The following SCN11A variants were observed in gnomAD, a reference collection of about 807,000 sequenced individuals.
SCN11A encodes sodium channel protein type 11 subunit alpha.
In SCN11A, 122 loss-of-function variants were observed where a neutral mutation model predicts 162.2. The ratio of observed to expected loss-of-function variants is 0.75; its 90% confidence interval spans 0.65 to 0.87. SCN11A has a LOEUF of 0.87. SCN11A is among the 40% of genes least tolerant of loss of function. SCN11A has a pLI of 0.00. For missense variants in SCN11A, 2,015 were observed against 2,181.6 expected, an observed-to-expected ratio of 0.92 and a Z score of 1.52; for synonymous variants, 758 against 751.5, an observed-to-expected ratio of 1.01 and a Z score of -0.14.
intron 21 of SCN11A, 46 bp downstream of exon 21, chr3:38,885,242 C>T (rs764712933): frequency 9.4e-7 from 1 of 1,062,500 alleles, no homozygotes; most frequent in East Asian, 2.4e-5. Context: ...AACAGAAACC[C>T]CATCCAAAGA....
intron 19 of SCN11A, among the ~76,000 whole-genome samples, chr3:38,886,622 G>A (rs576997383): frequency 3.3e-5 from 5 of 152,092 alleles, no homozygotes; most frequent in African/African-American, 1.2e-4. Context: ...GGTACACAAT[G>A]CCATAATATA....
rs79726686 is a variant in SCN11A at position 38,947,494 on chromosome 3, G to A, written c.268-587C>T. Among the ~76,000 whole-genome samples, 581 of 152,310 alleles carry A rather than the reference G, an allele frequency of 3.8e-3. 4 individuals are homozygous for A. The highest frequency in any genetic ancestry group is 0.013 in the African/African-American group (552 of 41,554). Reference sequence around the variant, plus strand: ...GAGGTGGGCATTGCCCCTACAGAAGGCATTTGGAAATGTGTGTGAGTATTT... The same window carrying A: ...GAGGTGGGCATTGCCCCTACAGAAGACATTTGGAAATGTGTGTGAGTATTT... On this transcript the variant is annotated intron_variant, in intron 5 of 29. Transcript: ENST00000302328.
At chr3:39,010,864 A>G (rs960409395) in intron 2 of SCN11A, among the ~76,000 whole-genome samples, 1 of 152,210 alleles carries the variant, frequency 6.6e-6, no homozygotes, top group African/African-American at 2.4e-5. Flanking sequence ...ATAAGAGAAT[A>G]ACAAGGGTGG....
intron 1 of SCN11A, among the ~76,000 whole-genome samples, chr3:39,036,629 T>C (rs925709455): frequency 1.3e-5 from 2 of 151,682 alleles, no homozygotes; most frequent in African/African-American, 2.4e-5. Flanking sequence ...ATAACCAGAA[T>C]ATATAAGGAA....
intron 4 of SCN11A, among the ~76,000 whole-genome samples, chr3:38,951,539 G>A (rs940675608): frequency 2.6e-5 from 4 of 152,260 alleles, no homozygotes; most frequent in Non-Finnish European, 5.9e-5. Context: ...GAGTGCGAGC[G>A]CATGGCGCAG....
intron 17 of SCN11A, among the ~76,000 whole-genome samples, chr3:38,898,065 C>T (rs1361599079): frequency 6.6e-6 from 1 of 151,784 alleles, no homozygotes; most frequent in African/African-American, 2.4e-5. Flanking sequence ...GGTGAAACCC[C>T]CATCTCTACA....
At chr3:38,949,045 C>T (rs921454169) in intron 5 of SCN11A, among the ~76,000 whole-genome samples, 2 of 152,184 alleles carry the variant, frequency 1.3e-5, no homozygotes, top group Admixed American at 6.5e-5. Flanking sequence ...AAGTCTATCC[C>T]AATTGAAGTA....
chr3:38,986,269 C>T (rs2030239220), intron 2 of SCN11A, among the ~76,000 whole-genome samples: 1 of 146,902 alleles, frequency 6.8e-6, no homozygotes, highest in Non-Finnish European at 1.5e-5. Flanking sequence ...ACAGAGCCAG[C>T]AGATGCGTCA....
At chr3:38,863,373 A>G in intron 27 of SCN11A, 74 bp from the exon 28 acceptor site, 1 of 743,484 alleles carries the variant, frequency 1.3e-6, no homozygotes, top group Non-Finnish European at 2.3e-6. Context: ...TTTTGACACA[A>G]TTTTAAAGTT....
intron 26 of SCN11A, among the ~76,000 whole-genome samples, chr3:38,867,761 G>C (rs975671970): frequency 4.6e-5 from 7 of 152,102 alleles, no homozygotes; most frequent in African/African-American, 7.2e-5. Context: ...TTTTTAAAAA[G>C]TCATCCATAT....
intron 2 of SCN11A, among the ~76,000 whole-genome samples, chr3:39,022,145 A>G (rs955744468): frequency 6.6e-6 from 1 of 152,008 alleles, no homozygotes; most frequent in African/African-American, 2.4e-5. Context: ...CCTCTGCTTC[A>G]CCTTTTGATA....
At chr3:38,981,373 C>T (rs76863855) in intron 2 of SCN11A, among the ~76,000 whole-genome samples, 4,265 of 152,194 alleles carry the variant, frequency 0.028, 201 homozygotes, top group African/African-American at 0.097. Context: ...TTCAGAAAAA[C>T]AGACTTGGAA....
intron 5 of SCN11A, among the ~76,000 whole-genome samples, chr3:38,948,557 C>T (rs2066552837): frequency 6.6e-6 from 1 of 152,218 alleles, no homozygotes; most frequent in Non-Finnish European, 1.5e-5. Flanking sequence ...CTTGACCTGG[C>T]TTAAGCCACT....
chr3:38,883,168 A>G (rs2065337623), intron 22 of SCN11A, 65 bp downstream of exon 22: 4 of 1,451,000 alleles, frequency 2.8e-6, no homozygotes, highest in Non-Finnish European at 3.8e-6. Flanking sequence ...CGAGAAGCCA[A>G]GTCAGAGTGC....
At chr3:38,966,895 T>A (rs1317871006) in intron 2 of SCN11A, among the ~76,000 whole-genome samples, 1 of 152,240 alleles carries the variant, frequency 6.6e-6, no homozygotes, top group Non-Finnish European at 1.5e-5. Context: ...GTGTTTTGGT[T>A]TGGGTTCCCC....
At position 38,899,948 on chromosome 3, in the gene SCN11A, T is replaced by C; in HGVS notation, c.1968A>G (p.Val656=). Residue 656 remains valine, a synonymous_variant, in exon 17 of 30, where the codon GTA becomes GTG. Coordinates refer to ENST00000302328, the MANE Select transcript of SCN11A (RefSeq NM_001349253.2). ...TTCTCTTTTGAAGTACACAGTTCATTACATCTGCAAAACTCAGAAGAGCAA... is the reference window on the plus strand; with the variant it reads ...TTCTCTTTTGAAGTACACAGTTCATCACATCTGCAAAACTCAGAAGAGCAA... ...SIVALLSFAD[V]MNCVLQKRSW... is the part of the protein sequence containing the mutation. 6.2e-7 allele frequency: 1 copy of C among 1,614,086 alleles called. No homozygotes were observed. The highest frequency in any genetic ancestry group is 8.5e-7 in the Non-Finnish European group (1 of 1,179,982).
At chr3:38,929,135 GCACACACACA>G (rs748169973) in intron 7 of SCN11A, among the ~76,000 whole-genome samples, 5 of 66,602 alleles carry the variant, frequency 7.5e-5, no homozygotes, top group South Asian at 6.9e-4. Flanking sequence ...GTCTGTGCAC[GCACACACACA>G]CACACACACA....
chr3:39,004,794 G>A (rs1001672097), intron 2 of SCN11A, among the ~76,000 whole-genome samples: 4 of 152,022 alleles, frequency 2.6e-5, no homozygotes, highest in Admixed American at 1.3e-4. Context: ...CCAGGTTGAC[G>A]ATTTTTTTCT....
At chr3:38,909,764 G>A (rs912293905) in intron 12 of SCN11A, among the ~76,000 whole-genome samples, 1 of 151,844 alleles carries the variant, frequency 6.6e-6, no homozygotes, top group African/African-American at 2.4e-5. Flanking sequence ...TGTATTTTTA[G>A]TAGAGTTGGG....
Sources: gnomAD v4.1 joint callset for allele counts (sites outside exome capture counted in the v4.1 genomes callset) on GRCh38, gnomAD v4.1.1 for gene constraint, MANE v1.5 for transcripts, NCBI Gene and HGNC (gene_info 2026-07-23, HGNC 2026-07-21) for gene names.